The following PGM5 variants were observed in gnomAD, a reference collection of about 807,000 sequenced individuals.
The protein encoded by PGM5 is phosphoglucomutase-like protein 5.
In PGM5, 23 loss-of-function variants were observed where a neutral mutation model predicts 59.2. That is an observed-to-expected ratio of 0.39 (90% confidence interval 0.28 to 0.55). The LOEUF is 0.55. Ranked by LOEUF, PGM5 falls within the 20% of genes least tolerant of loss-of-function variation. PGM5 has a pLI of 0.66. For missense variants in PGM5, 574 were observed against 748.3 expected, an observed-to-expected ratio of 0.77 and a Z score of 2.72; for synonymous variants, 214 against 286.0, an observed-to-expected ratio of 0.75 and a Z score of 2.54.
chr9:68,521,372 G>A (rs1260256262), intron 10 of PGM5, among the ~76,000 whole-genome samples: 3 of 152,200 alleles, frequency 2.0e-5, no homozygotes, highest in Non-Finnish European at 4.4e-5. Context: ...AACACTGATC[G>A]TGGCTTCCGA....
intron 6 of PGM5, among the ~76,000 whole-genome samples, chr9:68,412,500 A>T (rs1822951559): frequency 6.6e-6 from 1 of 152,246 alleles, no homozygotes; most frequent in East Asian, 1.9e-4. Context: ...GCACTGTCGA[A>T]CAGTTGTCAA....
chr9:68,371,852 GAGA>G (rs1234383086), intron 1 of PGM5, among the ~76,000 whole-genome samples: 2 of 152,186 alleles, frequency 1.3e-5, no homozygotes, highest in Non-Finnish European at 2.9e-5. Flanking sequence ...TAGACACGCA[GAGA>G]AGAAGACGTG....
intron 10 of PGM5, 93 bp downstream of exon 10, chr9:68,499,454 C>A: frequency 7.8e-7 from 1 of 1,278,952 alleles, no homozygotes. Flanking sequence ...ATTTTACCTC[C>A]TGGAAAGGTA....
intron 2 of PGM5, among the ~76,000 whole-genome samples, chr9:68,379,974 A>G (rs1470235189): frequency 6.6e-6 from 1 of 152,004 alleles, no homozygotes; most frequent in East Asian, 1.9e-4. Flanking sequence ...AGTGGACATG[A>G]AGGAAGAAAT....
intron 6 of PGM5, among the ~76,000 whole-genome samples, chr9:68,454,937 A>G (rs2030778299): frequency 6.6e-6 from 1 of 152,228 alleles, no homozygotes; most frequent in African/African-American, 2.4e-5. Flanking sequence ...CAGAATTAGT[A>G]TGGCATGACC....
At chr9:68,358,430 G>A (rs1834512600) in intron 1 of PGM5, among the ~76,000 whole-genome samples, 1 of 152,080 alleles carries the variant, frequency 6.6e-6, no homozygotes, top group Admixed American at 6.5e-5. Context: ...ATCTACAAGA[G>A]GGATACCTAA....
chr9:68,412,783 A>T (rs1168860236), intron 6 of PGM5, among the ~76,000 whole-genome samples: 1 of 152,228 alleles, frequency 6.6e-6, no homozygotes. Context: ...TTCCATTTAT[A>T]TACACATTCT....
chr9:68,373,886 A>G (rs1393860109), intron 1 of PGM5, among the ~76,000 whole-genome samples: 1 of 152,160 alleles, frequency 6.6e-6, no homozygotes, highest in Non-Finnish European at 1.5e-5. Flanking sequence ...CCTGTACTGA[A>G]TCTGTAGAAA....
intron 9 of PGM5, among the ~76,000 whole-genome samples, chr9:68,491,079 G>A (rs1363719289): frequency 6.6e-6 from 1 of 152,186 alleles, no homozygotes; most frequent in Non-Finnish European, 1.5e-5. Context: ...TATTCAGTGA[G>A]TATTTACCAA....
intron 10 of PGM5, among the ~76,000 whole-genome samples, chr9:68,508,438 GA>G (rs1321498361): frequency 6.6e-6 from 1 of 152,178 alleles, no homozygotes; most frequent in Admixed American, 6.5e-5. Context: ...TAAATATAAG[GA>G]AACCTAAAAA....
At chr9:68,497,856 A>G (rs1824505668) in intron 9 of PGM5, 2 of 152,200 alleles carry the variant, frequency 1.3e-5, no homozygotes, top group Non-Finnish European at 2.9e-5. Context: ...TTCCTTCAAC[A>G]GAAGTCACAG....
chr9:68,388,880 T>G lies in PGM5; in HGVS notation c.697+1292T>G, dbSNP rs565065071. On this transcript the variant is annotated intron_variant, in intron 4 of 10. Coordinates refer to ENST00000396396, the MANE Select transcript of PGM5 (RefSeq NM_021965.4). ...TCAGTGTTCCTCTGTTTTTCAATAATGGATCTTAGTGTGGGACTCTATCTT... is the reference window on the plus strand; with the variant it reads ...TCAGTGTTCCTCTGTTTTTCAATAAGGGATCTTAGTGTGGGACTCTATCTT... Among the ~76,000 whole-genome samples the G allele has an allele frequency of 3.5e-5, 5 of 143,612 alleles. No homozygotes were observed. The South Asian group carries it at 1.1e-3, about 32-fold the overall frequency. The allele number at this position is 143,612 out of a possible 152,430, so 94.2% of individuals were successfully genotyped here.
At chr9:68,458,494 T>C (rs1823812106) in intron 6 of PGM5, among the ~76,000 whole-genome samples, 1 of 152,240 alleles carries the variant, frequency 6.6e-6, no homozygotes, top group African/African-American at 2.4e-5. Flanking sequence ...TTAAATGATA[T>C]ATTTAGTTCC....
intron 4 of PGM5, among the ~76,000 whole-genome samples, chr9:68,388,803 C>T (rs551741908): frequency 1.8e-3 from 272 of 152,084 alleles, no homozygotes; most frequent in South Asian, 5.0e-3. Flanking sequence ...ATTTTTAATC[C>T]ATTGTCTTTC....
At chr9:68,476,145 C>T (rs782389045) in intron 7 of PGM5, among the ~76,000 whole-genome samples, 5 of 152,184 alleles carry the variant, frequency 3.3e-5, no homozygotes, top group Non-Finnish European at 7.4e-5. Context: ...TTTTTAAAGA[C>T]TGTTGATCAT....
chr9:68,469,385 G>A (rs1172054508), intron 7 of PGM5, among the ~76,000 whole-genome samples: 3 of 152,134 alleles, frequency 2.0e-5, no homozygotes, highest in Admixed American at 6.5e-5. Context: ...CACTTAGTAT[G>A]TACCTTTTGT....
chr9:68,357,956 C>CG (rs1834501077), intron 1 of PGM5: 4 of 160,470 alleles, frequency 2.5e-5, no homozygotes, highest in African/African-American at 7.4e-5. Context: ...CACACACACA[C>CG]ACACACACGA....
intron 10 of PGM5, among the ~76,000 whole-genome samples, chr9:68,522,792 T>C (rs1268162406): frequency 2.6e-5 from 4 of 152,320 alleles, no homozygotes; most frequent in South Asian, 2.1e-4. Flanking sequence ...GGCCTTCCTA[T>C]TGGGAGGTAA....
At chr9:68,397,242 G>C (rs2933534) in intron 6 of PGM5, 1 of 152,722 alleles carries the variant, frequency 6.5e-6, no homozygotes, top group Non-Finnish European at 1.5e-5. Flanking sequence ...CCTGAGGTCC[G>C]TCTCCACCCC....
Sources: allele counts gnomAD v4.1 joint callset (sites outside exome capture counted in the v4.1 genomes callset), GRCh38; gene constraint gnomAD v4.1.1; transcripts MANE v1.5; gene names NCBI Gene and HGNC (gene_info 2026-07-23, HGNC 2026-07-21).